Variants in ERI3 observed in about 807,000 individuals in gnomAD.
ERI3 encodes the protein ERI1 exoribonuclease family member 3, also known as ERI1 exoribonuclease 3.
In ERI3, 18 loss-of-function variants were observed where a neutral mutation model predicts 44.4. The observed-to-expected ratio is 0.41, with a 90% confidence interval of 0.28 to 0.60. ERI3 has a LOEUF of 0.60. ERI3 is among the 20% of genes least tolerant of loss of function. The pLI, the probability that ERI3 is intolerant of heterozygous loss-of-function variation, is 0.36. For synonymous variants in ERI3, 183 were observed against 164.8 expected, an observed-to-expected ratio of 1.11 and a Z score of -0.84; for missense variants, 294 against 435.5, an observed-to-expected ratio of 0.68 and a Z score of 2.89.
At chr1:44,300,407 C>T (rs1232220830) in intron 6 of ERI3, among the ~76,000 whole-genome samples, 1 of 152,144 alleles carries the variant, frequency 6.6e-6, no homozygotes, top group Non-Finnish European at 1.5e-5. Context: ...TGCCAGAGGC[C>T]CTGTCTGCCA....
chr1:44,325,711 G>C (rs901265789), intron 3 of ERI3, among the ~76,000 whole-genome samples: 20 of 151,992 alleles, frequency 1.3e-4, no homozygotes, highest in African/African-American at 4.6e-4. Flanking sequence ...ACCCAGGCTG[G>C]AGTACGGTGG....
intron 2 of ERI3, among the ~76,000 whole-genome samples, chr1:44,343,463 T>C (rs1646723902): frequency 6.6e-6 from 1 of 152,208 alleles, no homozygotes; most frequent in Non-Finnish European, 1.5e-5. Context: ...ATTTCTGTTA[T>C]ATTCCTGAAG....
intron 4 of ERI3, among the ~76,000 whole-genome samples, chr1:44,317,823 G>A (rs1003335317): frequency 2.2e-4 from 33 of 152,066 alleles, no homozygotes; most frequent in Admixed American, 2.0e-4. Flanking sequence ...ACTGTAAGAG[G>A]GCAACCTCTG....
intron 1 of ERI3, chr1:44,354,326 T>C: frequency 1.0e-6 from 1 of 985,304 alleles, no homozygotes; most frequent in Non-Finnish European, 1.2e-6. Context: ...AAGGACAAAA[T>C]CCAAACCCCC....
chr1:44,325,476 G>T (rs1015565323), intron 3 of ERI3, among the ~76,000 whole-genome samples: 3 of 152,104 alleles, frequency 2.0e-5, no homozygotes, highest in Admixed American at 6.5e-5. Context: ...TCACACCCAC[G>T]ATCAGTAGAT....
At chr1:44,255,597 T>C (rs968175448) in intron 7 of ERI3, among the ~76,000 whole-genome samples, 4 of 152,134 alleles carry the variant, frequency 2.6e-5, no homozygotes, top group Admixed American at 1.3e-4. Flanking sequence ...CCTACTTGAG[T>C]GTCAGACATA....
At chr1:44,225,937 G>A (rs1644027681) in intron 8 of ERI3, among the ~76,000 whole-genome samples, 1 of 152,172 alleles carries the variant, frequency 6.6e-6, no homozygotes, top group Non-Finnish European at 1.5e-5. Context: ...GCTTCTGAGG[G>A]ATGTGCAAGA....
At chr1:44,305,255 T>A (rs1645809103) in intron 6 of ERI3, among the ~76,000 whole-genome samples, 2 of 152,176 alleles carry the variant, frequency 1.3e-5, no homozygotes, top group African/African-American at 4.8e-5. Flanking sequence ...AAATCTAAGT[T>A]CCTCAAGTGG....
In ERI3 at chr1:44,247,952, G is replaced by A. The variant is rs761850966; in HGVS notation, c.918C>T (p.Pro306=). 2.5e-6 allele frequency: 4 copies of A among 1,612,374 alleles called. No individual in the cohort carries two copies. Among genetic ancestry groups the A allele is most frequent in the South Asian group, 2.2e-5 (2 of 90,670 alleles). ...KGLSLQHIGR[P]HSGIDDCKNI... is the part of the protein sequence containing the mutation. ...GAAGGGACTGACCAATGCCGCTGTG[G>A]GGCCGGCCTATGTGTTGCAGGCTGA... Residue 306 remains proline (P), a synonymous_variant, in exon 8 of 9, where the codon CCC becomes CCT. Coordinates refer to ENST00000372257, the MANE Select transcript of ERI3 (RefSeq NM_024066.3).
chr1:44,321,252 C>G (rs544553438), intron 3 of ERI3, among the ~76,000 whole-genome samples: 71 of 152,196 alleles, frequency 4.7e-4, no homozygotes, highest in African/African-American at 1.6e-3. Context: ...CAGAGAGATT[C>G]AAAGATTGTG....
chr1:44,351,192 C>T (rs1473717909), intron 2 of ERI3, among the ~76,000 whole-genome samples: 1 of 152,124 alleles, frequency 6.6e-6, no homozygotes, highest in East Asian at 1.9e-4. Context: ...CACCACCATG[C>T]CCAGCTAATT....
intron 7 of ERI3, among the ~76,000 whole-genome samples, chr1:44,281,958 C>A (rs1645300350): frequency 6.8e-6 from 1 of 148,136 alleles, no homozygotes; most frequent in Non-Finnish European, 1.5e-5. Flanking sequence ...AGTGACAGCT[C>A]TGATCTCCTG....
At chr1:44,310,963 G>GCGCGCGCGCGCGCA (rs1373873768) in intron 5 of ERI3, among the ~76,000 whole-genome samples, 90 of 123,268 alleles carry the variant, frequency 7.3e-4, no homozygotes, top group Non-Finnish European at 9.6e-4. Context: ...GCGCGCGCGC[G>GCGCGCGCGCGCGCA]CACACACACA....
chr1:44,273,023 A>T (rs1645118407), intron 7 of ERI3, among the ~76,000 whole-genome samples: 1 of 152,142 alleles, frequency 6.6e-6, no homozygotes, highest in Non-Finnish European at 1.5e-5. Context: ...TGACATTGCT[A>T]ATAGCTCCTT....
intron 6 of ERI3, among the ~76,000 whole-genome samples, chr1:44,303,426 T>C (rs1306067418): frequency 6.6e-6 from 1 of 152,250 alleles, no homozygotes; most frequent in Non-Finnish European, 1.5e-5. Context: ...GAACACTCCA[T>C]TACTTAGTTG....
chr1:44,248,929 G>T (rs1318053605), intron 7 of ERI3, among the ~76,000 whole-genome samples: 7 of 149,830 alleles, frequency 4.7e-5, no homozygotes, highest in Non-Finnish European at 9.0e-5. Flanking sequence ...CCTCCACCTG[G>T]GGGGGGGACA....
intron 2 of ERI3, among the ~76,000 whole-genome samples, chr1:44,349,053 G>C (rs1646840069): frequency 6.6e-6 from 1 of 152,190 alleles, no homozygotes; most frequent in Admixed American, 6.5e-5. Context: ...AGGAATGCTG[G>C]TCACACTTTG....
Position 44,281,601 on chromosome 1 carries a change from A to AAAAAT in ERI3, c.831+3233_831+3234insATTTT, listed in dbSNP as rs1460400186. Among the ~76,000 whole-genome samples, 630 of 127,976 alleles carry AAAAAT rather than the reference A, an allele frequency of 4.9e-3. 8 individuals carry two copies. Among genetic ancestry groups the AAAAAT allele is most frequent in the African/African-American group, 0.019 (561 of 29,990 alleles). 84.0% of individuals were successfully genotyped at this position (127,976 alleles called of 152,430 possible). A position where few individuals can be genotyped will look rare whatever the true frequency, so the allele number is the denominator to read the frequency against. On this transcript the variant is annotated intron_variant, in intron 7 of 8. Transcript: ENST00000372257. ...AGACCCCGTCTCGAAAAAAAAAAAA[A>AAAAAT]ATATATATATATATATATAATATAT...
At position 44,283,890 on chromosome 1, in the gene ERI3, C is replaced by T. The variant is rs555391782; in HGVS notation, c.831+945G>A. ...TCTCCTCCTCCTATCCATATCCCACCTTCCTTGAATGCCCAGGTCAAGACT... is the reference window on the plus strand; with the variant it reads ...TCTCCTCCTCCTATCCATATCCCACTTTCCTTGAATGCCCAGGTCAAGACT... On this transcript the variant is annotated intron_variant, in intron 7 of 8. Transcript: ENST00000372257. 1.7e-4 allele frequency: 73 copies of T among 418,320 alleles called. No individual in the cohort carries two copies. The East Asian group carries it at 3.1e-3, about 18-fold the overall frequency. The allele number at this position is 418,320 out of a possible 1,614,324, so 25.9% of individuals were successfully genotyped here.
Sources: gnomAD v4.1 joint callset for allele counts (sites outside exome capture counted in the v4.1 genomes callset) on GRCh38, gnomAD v4.1.1 for gene constraint, MANE v1.5 for transcripts, NCBI Gene and HGNC (gene_info 2026-07-23, HGNC 2026-07-21) for gene names.